Variants in LTA4H observed in about 807,000 individuals in gnomAD.
LTA4H encodes leukotriene A4 hydrolase.
Under a neutral mutation model 89.8 loss-of-function variants are expected in LTA4H, and 59 were observed. That is an observed-to-expected ratio of 0.66 (90% CI 0.53 to 0.82). The LOEUF (loss-of-function observed/expected upper bound fraction) is 0.82, where lower values mean the gene tolerates loss of function less well. Among genes scored for constraint, LTA4H ranks in the 40% least tolerant of loss-of-function variants. The pLI, the probability that LTA4H is intolerant of heterozygous loss-of-function variation, is 0.00. For synonymous variants in LTA4H, 227 were observed against 253.1 expected (o/e 0.90, Z 0.98); for missense variants, 617 against 727.0 (o/e 0.85, Z 1.74).
At chr12:96,043,275 A>G (rs1027510856) in intron 1 of LTA4H, 4 of 1,521,450 alleles carry the variant, frequency 2.6e-6, no homozygotes, top group African/African-American at 2.8e-5. Context: ...CTTGAGAAGG[A>G]GCTTGGAACT....
At chr12:96,023,751 T>C (rs564719784) in intron 4 of LTA4H, among the ~76,000 whole-genome samples, 1 of 152,332 alleles carries the variant, frequency 6.6e-6, no homozygotes, top group South Asian at 2.1e-4. Context: ...TAAGTTGGAA[T>C]TGCATACAGA....
chr12:96,041,397 A>C (rs955850062), intron 1 of LTA4H, among the ~76,000 whole-genome samples: 4 of 152,140 alleles, frequency 2.6e-5, no homozygotes, highest in South Asian at 2.1e-4. Flanking sequence ...TGCCATTTAA[A>C]CAGAATGGTT....
At position 96,003,110 on chromosome 12, in the gene LTA4H, G is replaced by A; in HGVS notation, c.1614-46C>T. On this transcript the variant is annotated intron_variant, in intron 17 of 18. Coordinates refer to ENST00000228740, the MANE Select transcript of LTA4H (RefSeq NM_000895.3). The stretch of plus-strand genomic sequence containing the variant: ...GAGCATGGAGTAGAAAATGAGGAAG[G>A]GGCAGGATATGACAGGTATATCTTA... 2.4e-6 allele frequency: 3 copies of A among 1,255,938 alleles called. 1 individual carries two copies. The Admixed American group carries it at 5.9e-5, about 25-fold the overall frequency. 77.8% of individuals were successfully genotyped at this position (1,255,938 alleles called of 1,614,324 possible). A position where few individuals can be genotyped will look rare whatever the true frequency, so the allele number is the denominator to read the frequency against.
intron 1 of LTA4H, chr12:96,043,200 C>T (rs777484774): frequency 3.4e-5 from 31 of 920,212 alleles, no homozygotes; most frequent in African/African-American, 2.6e-4. Context: ...GAGAACATGT[C>T]GGGTAGACCC....
In LTA4H at chr12:96,005,757, A is replaced by T. The variant is rs112139041; in HGVS notation, c.1530+557T>A. Among the ~76,000 whole-genome samples, 1,089 of 151,996 alleles carry T rather than the reference A, an allele frequency of 7.2e-3. 16 individuals carry two copies. The highest frequency in any genetic ancestry group is 0.048 in the Middle Eastern group (14 of 294). On this transcript the variant is annotated intron_variant, in intron 16 of 18. Transcript: ENST00000228740. The stretch of plus-strand genomic sequence containing the variant: ...TTTTATTGCTAATGTTTTTAAAAAA[A>T]TTTTTTTATGAGATGGAGTTTCACT...
upstream of LTA4H, among the ~76,000 whole-genome samples, chr12:96,037,833 C>T (rs975204017): frequency 1.3e-5 from 2 of 151,870 alleles, no homozygotes; most frequent in Non-Finnish European, 2.9e-5. Context: ...TACAGGCGCC[C>T]GTCACCAAGA....
At chr12:96,019,502 G>A (rs781097465) in intron 6 of LTA4H, among the ~76,000 whole-genome samples, 2 of 151,426 alleles carry the variant, frequency 1.3e-5, no homozygotes, top group Non-Finnish European at 2.9e-5. Context: ...TTAGTTTATT[G>A]CCTCTTGTAA....
chr12:96,002,323 G>A (rs978206359), intron 18 of LTA4H, among the ~76,000 whole-genome samples: 8 of 152,036 alleles, frequency 5.3e-5, no homozygotes, highest in African/African-American at 1.5e-4. Flanking sequence ...ATATTATATG[G>A]CCATCACTTT....
At chr12:96,029,232 G>GA (rs746029610) in intron 1 of LTA4H, 47 bp from the exon 2 acceptor site, 5 of 1,145,328 alleles carry the variant, frequency 4.4e-6, no homozygotes, top group East Asian at 2.7e-5. Context: ...TCATTTACCA[G>GA]AAAAAACTCA....
At chr12:96,024,086 T>C (rs1368509545) in intron 4 of LTA4H, among the ~76,000 whole-genome samples, 1 of 151,880 alleles carries the variant, frequency 6.6e-6, no homozygotes, top group Non-Finnish European at 1.5e-5. Context: ...CCCGCCACCA[T>C]GCCCGGCTAA....
intron 14 of LTA4H, chr12:96,012,038 C>G (rs1950309246): frequency 6.6e-6 from 1 of 152,226 alleles, no homozygotes; most frequent in African/African-American, 2.4e-5. Context: ...AATCACCCCT[C>G]CCTACCTGAG....
chr12:96,020,259 T>C (rs1950438757), intron 6 of LTA4H, among the ~76,000 whole-genome samples: 1 of 152,084 alleles, frequency 6.6e-6, no homozygotes, highest in Non-Finnish European at 1.5e-5. Context: ...CACTTAAAGG[T>C]TGAATACTCT....
rs746405693 is a variant in LTA4H, at chr12:96,035,433, G to C, written c.87C>G (p.Asp29Glu). The C allele has an allele frequency of 1.9e-6, 3 of 1,610,574 alleles. No individual in the cohort carries two copies. The highest frequency in any genetic ancestry group is 2.5e-6 in the Non-Finnish European group (3 of 1,178,516). Residue 29 changes from aspartate to glutamate, a missense_variant, in exon 1 of 19, where the codon GAC (aspartate) becomes GAG (glutamate). This residue lies in a region of LTA4H where 155 missense variants were observed against 143.3 expected (regional missense o/e 1.08). Coordinates refer to ENST00000228740, the MANE Select transcript of LTA4H (RefSeq NM_000895.3). ...TKHLHLRCSV[D>E]FTRRTLTGTA... ...TCCCGGTCAGCGTCCGGCGAGTAAA[G>C]TCGACGCTGCAGCGCAGGTGCAGGT...
In LTA4H at chr12:96,017,584, C is replaced by CA; in HGVS notation, c.853-5dup. On this transcript the variant is annotated splice_region_variant and splice_polypyrimidine_tract_variant and intron_variant, in intron 8 of 18. Coordinates refer to ENST00000228740, the MANE Select transcript of LTA4H (RefSeq NM_000895.3). Reference sequence around the variant, plus strand: ...TGGAGAGTGACTTGTCGCCTGCCTACAAAAAAAGAAAATTACCTTAGTATT... The same window carrying CA: ...TGGAGAGTGACTTGTCGCCTGCCTACAAAAAAAAGAAAATTACCTTAGTATT... The CA allele has an allele frequency of 2.5e-6, 4 of 1,607,054 alleles. No homozygotes were observed. Among genetic ancestry groups the CA allele is most frequent in the Non-Finnish European group, 3.4e-6 (4 of 1,175,194 alleles).
chr12:96,026,211 A>T (rs1331151210), intron 3 of LTA4H, among the ~76,000 whole-genome samples: 1 of 152,204 alleles, frequency 6.6e-6, no homozygotes, highest in Non-Finnish European at 1.5e-5. Context: ...GTGACATGGC[A>T]ACACCAAAGG....
intron 2 of LTA4H, chr12:96,027,936 C>G (rs1950530137): frequency 6.2e-6 from 1 of 160,262 alleles, no homozygotes; most frequent in South Asian, 1.7e-4. Flanking sequence ...GCAGGTGCCA[C>G]AGCATGACAC....
chr12:96,019,585 A>ATTTTT (rs755971682), intron 6 of LTA4H, among the ~76,000 whole-genome samples: 35 of 99,374 alleles, frequency 3.5e-4, no homozygotes, highest in African/African-American at 6.2e-4. Flanking sequence ...ATAAGAAACT[A>ATTTTT]TTTTTTTTTT....
chr12:96,025,338 T>C (rs2136907719), intron 3 of LTA4H: 1 of 152,354 alleles, frequency 6.6e-6, no homozygotes, highest in Admixed American at 6.5e-5. Flanking sequence ...GGGATGTCAG[T>C]ATTCTAATGA....
Position 96,009,436 on chromosome 12 carries a change from A to C in LTA4H, c.1380-288T>G, listed in dbSNP as rs375402122. 1.9e-4 allele frequency: 68 copies of C among 365,986 alleles called. 2 individuals carry two copies. Among genetic ancestry groups the C allele is most frequent in the East Asian group, 9.8e-4 (16 of 16,410 alleles). The allele number at this position is 365,986 out of a possible 1,614,324, so 22.7% of individuals were successfully genotyped here. On this transcript the variant is annotated intron_variant, in intron 14 of 18. Coordinates refer to ENST00000228740, the MANE Select transcript of LTA4H (RefSeq NM_000895.3). The stretch of plus-strand genomic sequence containing the variant: ...TCATGTGCTCGAGTAGTATATGCTA[A>C]AGTAGTTGGAATCAGTTGAGCATAT...
Sources: gnomAD v4.1 joint callset for allele counts (sites outside exome capture counted in the v4.1 genomes callset) on GRCh38, gnomAD v4.1.1 for gene constraint, gnomAD v4.1.1 regional missense constraint, MANE v1.5 for transcripts, NCBI Gene and HGNC (gene_info 2026-07-23, HGNC 2026-07-21) for gene names.